SNX29: variants seen among roughly 807,000 people sequenced by gnomAD.
SNX29 encodes the protein sorting nexin-29.
SNX29 carries 78 observed loss-of-function variants against 102.1 expected under a neutral mutation model. The ratio of observed to expected loss-of-function variants is 0.76; its 90% confidence interval spans 0.64 to 0.92. The LOEUF (loss-of-function observed/expected upper bound fraction) is 0.92. Among genes scored for constraint, SNX29 ranks in the 40% least tolerant of loss-of-function variants. SNX29 has a pLI of 0.00. For synonymous variants in SNX29, 580 were observed against 414.5 expected, an observed-to-expected ratio of 1.40 and a Z score of -4.85; for missense variants, 1,280 against 1,061.7, an observed-to-expected ratio of 1.21 and a Z score of -2.86.
intron 14 of SNX29, among the ~76,000 whole-genome samples, chr16:12,269,847 C>T (rs1486647883): frequency 9.0e-6 from 1 of 111,448 alleles, no homozygotes; most frequent in African/African-American, 3.4e-5. Context: ...CCATCATCAT[C>T]ATCATCATCA....
chr16:12,438,994 T>G (rs1210912025), intron 18 of SNX29, among the ~76,000 whole-genome samples: 1 of 152,190 alleles, frequency 6.6e-6, no homozygotes, highest in East Asian at 1.9e-4. Context: ...CCACCTGCCA[T>G]GTAGACCATT....
At chr16:12,138,596 A>T (rs200724337) in intron 13 of SNX29, among the ~76,000 whole-genome samples, 2 of 147,874 alleles carry the variant, frequency 1.4e-5, no homozygotes, top group African/African-American at 4.8e-5. Flanking sequence ...ATAATGTAAA[A>T]TAAAACAAAA....
chr16:12,570,102 C>T lies in SNX29; in HGVS notation c.*1473C>T, dbSNP rs2079154900. 2.0e-6 allele frequency: 2 copies of T among 984,874 alleles called. No homozygotes were observed. The highest frequency in any genetic ancestry group is 4.5e-4 in the Middle Eastern group (1 of 2,244). The allele number at this position is 984,874 out of a possible 1,614,324, so 61.0% of individuals were successfully genotyped here. A position where few individuals can be genotyped will look rare whatever the true frequency, so the allele number is the denominator to read the frequency against. On this transcript the variant is annotated 3_prime_UTR_variant, in exon 21 of 21. Coordinates refer to ENST00000566228, the MANE Select transcript of SNX29 (RefSeq NM_032167.5). ...TTTATACTGTGCCTTCCCCTCGTAG[C>T]AAAAAGGAAGATTGTTCATGGCCTT... is the stretch of plus-strand genomic sequence containing the variant.
rs1166559882 is a variant in SNX29 at position 12,570,587 on chromosome 16, T to TA, written c.*1959dup. ...CTCAGGAGTGCCTCCCTGGCCTGGG[T>TA]AGCTACCCTGGAGGTCATCTCCCTG... On this transcript the variant is annotated 3_prime_UTR_variant, in exon 21 of 21. Transcript: ENST00000566228. The TA allele has an allele frequency of 4.3e-6, 1 of 232,080 alleles. No homozygotes were observed. The highest frequency in any genetic ancestry group is 8.5e-6 in the Non-Finnish European group (1 of 117,382). The allele number at this position is 232,080 out of a possible 1,614,324, so 14.4% of individuals were successfully genotyped here. A position where few individuals can be genotyped will look rare whatever the true frequency, so the allele number is the denominator to read the frequency against.
chr16:12,246,594 C>A (rs190959930), intron 14 of SNX29, among the ~76,000 whole-genome samples: 1 of 152,038 alleles, frequency 6.6e-6, no homozygotes, highest in Non-Finnish European at 1.5e-5. Context: ...GAGCCGAGAT[C>A]GTGCCACTGG....
intron 16 of SNX29, among the ~76,000 whole-genome samples, chr16:12,366,236 C>T (rs1273709856): frequency 1.3e-5 from 2 of 152,040 alleles, no homozygotes; most frequent in East Asian, 3.9e-4. Flanking sequence ...GGGGGTGCTC[C>T]GTGCTTCTCC....
chr16:12,234,741 C>T (rs529395985), intron 14 of SNX29, among the ~76,000 whole-genome samples: 1 of 152,158 alleles, frequency 6.6e-6, no homozygotes, highest in African/African-American at 2.4e-5. Context: ...GAGAGTTGTT[C>T]ATTCCCTCTC....
chr16:12,074,539 T>TA (rs1248658388), intron 10 of SNX29, among the ~76,000 whole-genome samples: 1 of 152,254 alleles, frequency 6.6e-6, no homozygotes, highest in Non-Finnish European at 1.5e-5. Flanking sequence ...GATCCACTGT[T>TA]AGTCTGATGG....
chr16:12,323,375 C>T (rs1202732817), intron 15 of SNX29, among the ~76,000 whole-genome samples: 3 of 152,142 alleles, frequency 2.0e-5, no homozygotes. Flanking sequence ...AATTTTCTCT[C>T]ACTTTTTACC....
At chr16:12,111,134 A>G (rs1227963606) in intron 11 of SNX29, among the ~76,000 whole-genome samples, 2 of 152,128 alleles carry the variant, frequency 1.3e-5, no homozygotes, top group Non-Finnish European at 2.9e-5. Flanking sequence ...CCAAGGTCTT[A>G]ATACAATGGC....
In SNX29 at chr16:12,522,629, C is replaced by T. The variant is rs746112210; in HGVS notation, c.2179-2073C>T. 8.5e-5 allele frequency among the ~76,000 whole-genome samples: 13 copies of T among 152,226 alleles called. No homozygotes were observed. The South Asian group carries it at 1.2e-3, about 15-fold the overall frequency. ...TTGTTTAAAAGTATGTGGCACCTCC[C>T]GCTTCACTGTCTTCCTCCTGCTCCG... On this transcript the variant is annotated intron_variant, in intron 19 of 20. Transcript: ENST00000566228.
At chr16:12,047,296 C>T (rs2050127993) in intron 6 of SNX29, among the ~76,000 whole-genome samples, 1 of 152,146 alleles carries the variant, frequency 6.6e-6, no homozygotes, top group South Asian at 2.1e-4. Flanking sequence ...GTGGAATCAG[C>T]CGGACTGAAG....
Position 12,477,823 on chromosome 16 carries a change from C to G in SNX29, c.2142C>G (p.Ala714=), listed in dbSNP as rs746703410. Residue 714 remains alanine (A), a synonymous_variant, in exon 19 of 21, where the codon GCC becomes GCG. Coordinates refer to ENST00000566228, the MANE Select transcript of SNX29 (RefSeq NM_032167.5). The part of the protein sequence containing the change: ...KLQNKYPQVR[A]YNFPPKKAIG... ...AAAACAAGTACCCTCAAGTGAGGGCCTACAACTTCCCACCCAAAAAGGCCA... is the reference window on the plus strand; with the variant it reads ...AAAACAAGTACCCTCAAGTGAGGGCGTACAACTTCCCACCCAAAAAGGCCA... The G allele has an allele frequency of 6.2e-7, 1 of 1,611,524 alleles. No individual in the cohort carries two copies. The highest frequency in any genetic ancestry group is 2.2e-5 in the East Asian group (1 of 44,828).
At chr16:12,539,693 ATGTCATAC>A (rs1215277388) in intron 20 of SNX29, among the ~76,000 whole-genome samples, 1 of 152,222 alleles carries the variant, frequency 6.6e-6, no homozygotes, top group Non-Finnish European at 1.5e-5. Context: ...CCTGGGCAGC[ATGTCATAC>A]TGTCATGATT....
intron 13 of SNX29, among the ~76,000 whole-genome samples, chr16:12,148,152 A>G (rs938829458): frequency 1.3e-5 from 2 of 152,206 alleles, no homozygotes; most frequent in African/African-American, 2.4e-5. Flanking sequence ...CTTCAAATGC[A>G]TTCTTACTTG....
At chr16:12,203,916 T>A (rs1164258204) in intron 14 of SNX29, among the ~76,000 whole-genome samples, 1 of 152,218 alleles carries the variant, frequency 6.6e-6, no homozygotes, top group Non-Finnish European at 1.5e-5. Context: ...CTGTACTTGC[T>A]CCAGTTTTCA....
chr16:12,276,831 A>G (rs1049416768), intron 14 of SNX29, among the ~76,000 whole-genome samples: 4 of 152,076 alleles, frequency 2.6e-5, no homozygotes, highest in African/African-American at 9.7e-5. Context: ...AATCATGGAA[A>G]CACTACTCAG....
intron 14 of SNX29, among the ~76,000 whole-genome samples, chr16:12,242,934 C>T (rs1280228043): frequency 6.6e-6 from 1 of 152,160 alleles, no homozygotes; most frequent in Admixed American, 6.5e-5. Flanking sequence ...AGGTGTGGGC[C>T]ACCATACCCA....
At chr16:12,221,820 G>T (rs1245759385) in intron 14 of SNX29, among the ~76,000 whole-genome samples, 2 of 152,136 alleles carry the variant, frequency 1.3e-5, no homozygotes, top group Non-Finnish European at 2.9e-5. Flanking sequence ...TGTTGAAAAT[G>T]CCCCAACTGC....
Sources: gnomAD v4.1 joint callset for allele counts (sites outside exome capture counted in the v4.1 genomes callset) on GRCh38, gnomAD v4.1.1 for gene constraint, MANE v1.5 for transcripts, NCBI Gene and HGNC (gene_info 2026-07-23, HGNC 2026-07-21) for gene names.